Variants in DOCK2 observed in about 807,000 individuals in gnomAD.
DOCK2 encodes dedicator of cytokinesis 2.
In DOCK2, 87 loss-of-function variants were observed where a neutral mutation model predicts 248.9. That is an observed-to-expected ratio of 0.35 (90% CI 0.29 to 0.42). The LOEUF (loss-of-function observed/expected upper bound fraction) is 0.42. Among genes scored for constraint, DOCK2 ranks in the 10% least tolerant of loss-of-function variants. The probability of loss-of-function intolerance (pLI) is 1.00; values close to 1 mark genes in which losing one functional copy is unlikely to be tolerated. For synonymous variants in DOCK2, 805 were observed against 821.6 expected (o/e 0.98, Z 0.35); for missense variants, 1,747 against 2,300.2 (o/e 0.76, Z 4.92).
chr5:170,073,996 T>C (rs539299184), intron 46 of DOCK2, among the ~76,000 whole-genome samples: 1 of 152,290 alleles, frequency 6.6e-6, no homozygotes, highest in South Asian at 2.1e-4. Flanking sequence ...TTTAGTTCGC[T>C]GTTCTTTTAC....
At position 169,683,011 on chromosome 5, in the gene DOCK2, A is replaced by G. The variant is rs890788918; in HGVS notation, c.606+1132A>G. On this transcript the variant is annotated intron_variant, in intron 7 of 51. Transcript: ENST00000520908. Reference sequence around the variant, plus strand: ...TCAGTATACCACTGGCCAGTTACCAATGGTATATAGCATTGACCAATTATT... The same window carrying G: ...TCAGTATACCACTGGCCAGTTACCAGTGGTATATAGCATTGACCAATTATT... Among the ~76,000 whole-genome samples, 5 of 152,304 alleles carry G rather than the reference A, an allele frequency of 3.3e-5. No homozygotes were observed. The East Asian group carries it at 7.7e-4, about 24-fold the overall frequency.
intron 27 of DOCK2, among the ~76,000 whole-genome samples, chr5:169,978,555 C>T (rs904716504): frequency 1.4e-4 from 21 of 152,072 alleles, no homozygotes; most frequent in African/African-American, 4.8e-4. Context: ...GTGCTAATCT[C>T]CTGATCACAA....
At chr5:169,997,911 A>G (rs1754702472) in intron 30 of DOCK2, 1 of 456,222 alleles carries the variant, frequency 2.2e-6, no homozygotes, top group Non-Finnish European at 4.4e-6. Flanking sequence ...CAAGGCCTGG[A>G]CTGTATCCGT....
At chr5:169,646,689 C>T (rs547034703) in intron 1 of DOCK2, among the ~76,000 whole-genome samples, 1 of 152,292 alleles carries the variant, frequency 6.6e-6, no homozygotes, top group South Asian at 2.1e-4. Flanking sequence ...ACACTTCTTC[C>T]CATTAAAATA....
chr5:169,641,084 C>G (rs1234769019), intron 1 of DOCK2, among the ~76,000 whole-genome samples: 1 of 152,190 alleles, frequency 6.6e-6, no homozygotes, highest in East Asian at 1.9e-4. Flanking sequence ...TCCAACTTCA[C>G]GTGGTATTCT....
At chr5:169,715,234 C>G (rs1183614625) in intron 19 of DOCK2, among the ~76,000 whole-genome samples, 3 of 152,180 alleles carry the variant, frequency 2.0e-5, no homozygotes. Flanking sequence ...TCTCTCCAGC[C>G]TTATGAATTG....
At chr5:169,641,195 CT>C (rs1214295029) in intron 1 of DOCK2, among the ~76,000 whole-genome samples, 1 of 152,186 alleles carries the variant, frequency 6.6e-6, no homozygotes, top group African/African-American at 2.4e-5. Flanking sequence ...ATGTGATTAC[CT>C]CTGTAAAGAC....
intron 27 of DOCK2, among the ~76,000 whole-genome samples, chr5:169,944,961 G>T (rs1326306913): frequency 6.6e-6 from 1 of 152,104 alleles, no homozygotes; most frequent in Non-Finnish European, 1.5e-5. Flanking sequence ...AATCCTCTCT[G>T]GGGTCTATCC....
chr5:169,872,385 C>T (rs1400294176), intron 27 of DOCK2, among the ~76,000 whole-genome samples: 1 of 152,210 alleles, frequency 6.6e-6, no homozygotes, highest in Non-Finnish European at 1.5e-5. Context: ...TTTCTCTCCC[C>T]AGCCTGGAAG....
intron 26 of DOCK2, among the ~76,000 whole-genome samples, chr5:169,827,663 G>T (rs1442966390): frequency 6.6e-6 from 1 of 152,162 alleles, no homozygotes; most frequent in East Asian, 1.9e-4. Flanking sequence ...CTATAGATCG[G>T]AATTCGGAAT....
chr5:169,793,988 A>G (rs1462053152), intron 25 of DOCK2, among the ~76,000 whole-genome samples: 2 of 151,908 alleles, frequency 1.3e-5, no homozygotes, highest in East Asian at 3.9e-4. Context: ...AGGCCCCTAG[A>G]TTCTCTTCAT....
At chr5:170,045,714 C>A in intron 38 of DOCK2, 102 bp from the exon 39 acceptor site, 1 of 1,195,828 alleles carries the variant, frequency 8.4e-7, no homozygotes, top group South Asian at 1.2e-5. Context: ...AAGGTTTCCC[C>A]TCAGTCCCAG....
chr5:169,877,943 A>T (rs1284289436), intron 27 of DOCK2, among the ~76,000 whole-genome samples: 1 of 152,116 alleles, frequency 6.6e-6, no homozygotes, highest in Admixed American at 6.6e-5. Flanking sequence ...TGGATGGGAG[A>T]TGAAAAGTTT....
intron 44 of DOCK2, among the ~76,000 whole-genome samples, chr5:170,063,263 A>G (rs190670172): frequency 3.3e-5 from 5 of 152,298 alleles, no homozygotes; most frequent in Admixed American, 3.3e-4. Context: ...TATGCTATGC[A>G]TTGAATGTCC....
chr5:169,972,586 T>TAGATGATA (rs1554122913), intron 27 of DOCK2, among the ~76,000 whole-genome samples: 1,459 of 68,712 alleles, frequency 0.021, 17 homozygotes, highest in Non-Finnish European at 0.028. Flanking sequence ...GATAGATAGA[T>TAGATGATA]GATAGATAGA....
At chr5:169,749,848 C>T (rs1236643779) in intron 23 of DOCK2, among the ~76,000 whole-genome samples, 1 of 152,254 alleles carries the variant, frequency 6.6e-6, no homozygotes, top group Non-Finnish European at 1.5e-5. Context: ...ATATTCCTAA[C>T]CCCTTCATCA....
At chr5:170,019,672 T>C (rs761989456) in intron 33 of DOCK2, among the ~76,000 whole-genome samples, 4 of 152,116 alleles carry the variant, frequency 2.6e-5, no homozygotes, top group Non-Finnish European at 5.9e-5. Flanking sequence ...GGCCAAATAT[T>C]GTCATTGAAT....
chr5:169,670,690 G>T, intron 4 of DOCK2, 93 bp downstream of exon 4: 1 of 1,443,918 alleles, frequency 6.9e-7, no homozygotes, highest in Admixed American at 2.0e-5. Context: ...AAGAGCTGAG[G>T]GTTGCTCAGC....
At chr5:169,980,983 T>C (rs1287441735) in intron 27 of DOCK2, among the ~76,000 whole-genome samples, 1 of 152,126 alleles carries the variant, frequency 6.6e-6, no homozygotes. Context: ...GTGGGTGTGG[T>C]GGTCACTTGG....
Sources: gnomAD v4.1 joint callset for allele counts (sites outside exome capture counted in the v4.1 genomes callset) on GRCh38, gnomAD v4.1.1 for gene constraint, MANE v1.5 for transcripts, NCBI Gene and HGNC (gene_info 2026-07-23, HGNC 2026-07-21) for gene names.